Variants in NELL1 observed in about 807,000 individuals in gnomAD.
NELL1 encodes neural EGFL like 1, also known as protein kinase C-binding protein NELL1.
NELL1 carries 76 observed loss-of-function variants against 107.4 expected under a neutral mutation model. The observed-to-expected ratio is 0.71, with a 90% CI of 0.59 to 0.86. The LOEUF (loss-of-function observed/expected upper bound fraction) is 0.86. NELL1 is among the 40% of genes least tolerant of loss of function. NELL1 has a pLI of 0.00. For synonymous variants in NELL1, 353 were observed against 341.2 expected (o/e 1.03, Z -0.38); for missense variants, 1,024 against 1,005.5 (o/e 1.02, Z -0.25).
chr11:21,490,828 A>T (rs1418088591), intron 15 of NELL1, among the ~76,000 whole-genome samples: 1 of 152,172 alleles, frequency 6.6e-6, no homozygotes, highest in Non-Finnish European at 1.5e-5. Flanking sequence ...TAAACATAAG[A>T]CCTGAAACTA....
At chr11:21,276,720 A>G (rs1265344398) in intron 14 of NELL1, among the ~76,000 whole-genome samples, 1 of 152,198 alleles carries the variant, frequency 6.6e-6, no homozygotes, top group Non-Finnish European at 1.5e-5. Flanking sequence ...ATGGAACAGA[A>G]CGGAGCCCTC....
chr11:20,987,644 C>T (rs1851880158), intron 12 of NELL1, among the ~76,000 whole-genome samples: 1 of 152,132 alleles, frequency 6.6e-6, no homozygotes, highest in Non-Finnish European at 1.5e-5. Context: ...AATTACCTCC[C>T]ACCGGGTCCC....
intron 12 of NELL1, among the ~76,000 whole-genome samples, chr11:20,986,450 C>T (rs1312399265): frequency 6.6e-6 from 1 of 152,178 alleles, no homozygotes; most frequent in Non-Finnish European, 1.5e-5. Flanking sequence ...TCCTTGTGCA[C>T]CCTTGGCAAC....
At chr11:21,239,844 T>C (rs1858306802) in intron 14 of NELL1, among the ~76,000 whole-genome samples, 1 of 152,026 alleles carries the variant, frequency 6.6e-6, no homozygotes, top group Non-Finnish European at 1.5e-5. Context: ...ATCTTCTCAC[T>C]TCTCAGTTGT....
In NELL1 at chr11:21,397,292, A is replaced by G. The variant is rs376280858; in HGVS notation, c.1645+26344A>G. Among the ~76,000 whole-genome samples the G allele has an allele frequency of 6.6e-5, 10 of 151,770 alleles. No homozygotes were observed. In the East Asian group the frequency reaches 1.4e-3, roughly 21 times the overall value. On this transcript the variant is annotated intron_variant, in intron 15 of 19. Transcript: ENST00000357134. ...AACATGTGAAGACTGAGCATCAGGCATGAATAGATTCATAATTTTTTGGTA... is the reference window on the plus strand; with the variant it reads ...AACATGTGAAGACTGAGCATCAGGCGTGAATAGATTCATAATTTTTTGGTA...
chr11:20,698,856 T>C (rs1854692359), intron 2 of NELL1, among the ~76,000 whole-genome samples: 1 of 152,186 alleles, frequency 6.6e-6, no homozygotes, highest in Non-Finnish European at 1.5e-5. Context: ...TGCATTCTCA[T>C]AGCATAGCTC....
intron 15 of NELL1, among the ~76,000 whole-genome samples, chr11:21,474,079 A>T (rs1043829040): frequency 3.8e-4 from 58 of 152,158 alleles, no homozygotes; most frequent in Admixed American, 3.7e-3. Context: ...ATGTGATCTC[A>T]ATCTGGGCCT....
chr11:20,806,125 C>CTTTTTTT (rs1278998372), intron 3 of NELL1, among the ~76,000 whole-genome samples: 2 of 134,902 alleles, frequency 1.5e-5, no homozygotes, highest in South Asian at 4.7e-4. Flanking sequence ...TATTAATGTC[C>CTTTTTTT]TTTTTTTTTT....
intron 15 of NELL1, among the ~76,000 whole-genome samples, chr11:21,394,135 T>C (rs1851935335): frequency 6.6e-6 from 1 of 151,612 alleles, no homozygotes; most frequent in South Asian, 2.1e-4. Flanking sequence ...ATAAGTTAAC[T>C]CCTTTACTTC....
intron 15 of NELL1, among the ~76,000 whole-genome samples, chr11:21,519,779 C>A (rs1349080592): frequency 6.6e-6 from 1 of 152,038 alleles, no homozygotes; most frequent in Non-Finnish European, 1.5e-5. Flanking sequence ...AAGTTGCAAG[C>A]CTTCAAATAG....
intron 14 of NELL1, among the ~76,000 whole-genome samples, chr11:21,344,149 T>G (rs2133708170): frequency 6.6e-6 from 1 of 152,330 alleles, no homozygotes; most frequent in East Asian, 1.9e-4. Flanking sequence ...GGTATCCTAT[T>G]GCCCTCAAAT....
intron 13 of NELL1, among the ~76,000 whole-genome samples, chr11:21,206,677 A>AG (rs1328084705): frequency 1.3e-5 from 2 of 152,102 alleles, no homozygotes; most frequent in African/African-American, 2.4e-5. Context: ...CCACTGATGA[A>AG]GGGGGAGGAA....
At chr11:20,754,529 A>C (rs1006408838) in intron 2 of NELL1, among the ~76,000 whole-genome samples, 1 of 152,212 alleles carries the variant, frequency 6.6e-6, no homozygotes, top group Admixed American at 6.5e-5. Flanking sequence ...TGGGTTTCAC[A>C]GTCTTGGAAA....
At chr11:21,366,548 T>C (rs1381636887) in intron 14 of NELL1, among the ~76,000 whole-genome samples, 1 of 152,044 alleles carries the variant, frequency 6.6e-6, no homozygotes, top group Admixed American at 6.6e-5. Flanking sequence ...AATGCAACAA[T>C]TGTCGCATCG....
chr11:21,546,590 C>T (rs1856449212), intron 16 of NELL1, among the ~76,000 whole-genome samples: 2 of 151,896 alleles, frequency 1.3e-5, no homozygotes. Flanking sequence ...AAGGGCAGTT[C>T]CCCTGCACAC....
At chr11:21,104,152 G>C (rs1055935000) in intron 12 of NELL1, among the ~76,000 whole-genome samples, 2 of 152,166 alleles carry the variant, frequency 1.3e-5, no homozygotes, top group Admixed American at 1.3e-4. Flanking sequence ...CACTCACTGG[G>C]TTTGTTGGTA....
chr11:20,832,138 T>C (rs1483862634), intron 3 of NELL1, among the ~76,000 whole-genome samples: 1 of 152,264 alleles, frequency 6.6e-6, no homozygotes, highest in Non-Finnish European at 1.5e-5. Context: ...AGCCCTCACC[T>C]GTTTCAGTGT....
intron 2 of NELL1, among the ~76,000 whole-genome samples, chr11:20,752,857 CAG>C (rs1299468160): frequency 3.9e-5 from 6 of 152,076 alleles, no homozygotes; most frequent in Non-Finnish European, 7.4e-5. Flanking sequence ...GCCCACGTAT[CAG>C]AAATTACCAT....
chr11:21,273,867 C>T (rs1450414200), intron 14 of NELL1, among the ~76,000 whole-genome samples: 1 of 152,106 alleles, frequency 6.6e-6, no homozygotes, highest in Non-Finnish European at 1.5e-5. Flanking sequence ...GATTTTGTCA[C>T]CACCAGGCCT....
Sources: allele counts gnomAD v4.1 joint callset (sites outside exome capture counted in the v4.1 genomes callset), GRCh38; gene constraint gnomAD v4.1.1; transcripts MANE v1.5; gene names NCBI Gene and HGNC (gene_info 2026-07-23, HGNC 2026-07-21).